TENM2: variants seen among roughly 807,000 people sequenced by gnomAD.
TENM2 encodes teneurin-2.
Under a neutral mutation model 245.2 loss-of-function variants are expected in TENM2, and 52 were observed. That is an observed-to-expected ratio of 0.21 (90% CI 0.17 to 0.27). TENM2 has a LOEUF of 0.27. TENM2 is among the 10% of genes least tolerant of loss of function. TENM2 has a pLI of 1.00. For missense variants in TENM2, 3,046 were observed against 3,666.8 expected (o/e 0.83, Z 4.37); for synonymous variants, 1,363 against 1,438.9 (o/e 0.95, Z 1.19).
At chr5:168,182,304 C>A (rs1265241495) in intron 13 of TENM2, among the ~76,000 whole-genome samples, 1 of 152,210 alleles carries the variant, frequency 6.6e-6, no homozygotes, top group Non-Finnish European at 1.5e-5. Flanking sequence ...GCAAATGGAA[C>A]AGTACCTTTC....
chr5:167,642,876 A>G (rs767769150), intron 2 of TENM2, among the ~76,000 whole-genome samples: 1 of 152,172 alleles, frequency 6.6e-6, no homozygotes, highest in African/African-American at 2.4e-5. Context: ...AGAAAGGGGA[A>G]CAGTGCAGGG....
At position 167,321,801 on chromosome 5, in the gene TENM2, T is replaced by TTTTTTGGTG. The variant is rs67957514; in HGVS notation, c.226+36738_226+36739insTTTTTGGTG. Among the ~76,000 whole-genome samples, 3 of 7,280 alleles carry TTTTTTGGTG rather than the reference T, an allele frequency of 4.1e-4. 1 individual carries two copies. The highest frequency in any genetic ancestry group is 6.0e-3 in the East Asian group (1 of 168). 4.8% of individuals were successfully genotyped at this position (7,280 alleles called of 152,430 possible). ...CCTTGGCTTATTTTTTTTTTTTTTTTGGGGGGGGGGGCGGGGGGGGGGGTG... is the reference window on the plus strand; with the variant it reads ...CCTTGGCTTATTTTTTTTTTTTTTTTTTTTTGGTGGGGGGGGGGGGCGGGGGGGGGGGTG... On this transcript the variant is annotated intron_variant, in intron 1 of 28. Transcript: ENST00000518659.
At chr5:167,450,975 A>G (rs1337073868) in intron 2 of TENM2, among the ~76,000 whole-genome samples, 1 of 152,086 alleles carries the variant, frequency 6.6e-6, no homozygotes, top group Non-Finnish European at 1.5e-5. Context: ...ACAGTCTCTT[A>G]TTTTTTTATC....
chr5:167,209,661 CT>C, the TENM2 span, among the ~76,000 whole-genome samples: 1 of 152,174 alleles, frequency 6.6e-6, no homozygotes, highest in Non-Finnish European at 1.5e-5. Context: ...TGTAAAATCA[CT>C]TTTTCTTTCC....
At chr5:167,588,632 G>T (rs934513982) in intron 2 of TENM2, among the ~76,000 whole-genome samples, 1 of 152,024 alleles carries the variant, frequency 6.6e-6, no homozygotes, top group African/African-American at 2.4e-5. Flanking sequence ...AACAACAAAA[G>T]AAATAAAATC....
chr5:168,210,194 A>G (rs1762680862), intron 19 of TENM2, among the ~76,000 whole-genome samples: 1 of 152,158 alleles, frequency 6.6e-6, no homozygotes, highest in African/African-American at 2.4e-5. Flanking sequence ...GTGATCCTGG[A>G]CTGGAATAGC....
At chr5:167,425,388 C>G (rs868114248) in intron 2 of TENM2, among the ~76,000 whole-genome samples, 1 of 152,168 alleles carries the variant, frequency 6.6e-6, no homozygotes, top group Non-Finnish European at 1.5e-5. Flanking sequence ...GGAGATAACA[C>G]CCAGCTCCTA....
chr5:167,261,861 GA>G, the TENM2 span, among the ~76,000 whole-genome samples: 3 of 152,184 alleles, frequency 2.0e-5, no homozygotes, highest in Admixed American at 6.5e-5. Flanking sequence ...TCCTTGAGCA[GA>G]AGCCATGTAC....
the TENM2 span, among the ~76,000 whole-genome samples, chr5:167,193,895 T>A: frequency 1.3e-5 from 2 of 152,072 alleles, no homozygotes; most frequent in East Asian, 3.9e-4. Flanking sequence ...GACACCATTC[T>A]TTGTCTCAGC....
chr5:167,877,293 A>C (rs184797786), intron 3 of TENM2, among the ~76,000 whole-genome samples: 1 of 152,218 alleles, frequency 6.6e-6, no homozygotes, highest in Non-Finnish European at 1.5e-5. Context: ...AAATACATTT[A>C]AGATGACTCA....
intron 2 of TENM2, among the ~76,000 whole-genome samples, chr5:167,696,976 C>T (rs779188433): frequency 2.0e-5 from 3 of 152,222 alleles, no homozygotes; most frequent in African/African-American, 7.2e-5. Flanking sequence ...TATCTGAGGC[C>T]GTCAACCAGG....
chr5:167,803,481 C>G (rs1194410058), intron 2 of TENM2, among the ~76,000 whole-genome samples: 2 of 151,994 alleles, frequency 1.3e-5, no homozygotes, highest in Non-Finnish European at 2.9e-5. Context: ...TTCTTTATTT[C>G]CGGGAGTGGG....
chr5:167,158,913 C>T, the TENM2 span, among the ~76,000 whole-genome samples: 2 of 105,324 alleles, frequency 1.9e-5, no homozygotes, highest in Admixed American at 9.8e-5. Context: ...CCTTCCTCTT[C>T]CTCTCTCTCT....
At chr5:166,991,196 C>A in the TENM2 span, among the ~76,000 whole-genome samples, 1 of 146,014 alleles carries the variant, frequency 6.8e-6, no homozygotes, top group Non-Finnish European at 1.5e-5. Flanking sequence ...CCAAATCTTC[C>A]TTTTCTGACT....
At chr5:168,090,286 GA>G (rs1474825439) in intron 7 of TENM2, among the ~76,000 whole-genome samples, 3 of 140,314 alleles carry the variant, frequency 2.1e-5, no homozygotes, top group Non-Finnish European at 4.7e-5. Flanking sequence ...CAAACAAAAA[GA>G]AAAAAACTTT....
intron 7 of TENM2, among the ~76,000 whole-genome samples, chr5:168,066,754 G>C (rs1247029751): frequency 6.6e-6 from 1 of 152,158 alleles, no homozygotes; most frequent in African/African-American, 2.4e-5. Context: ...TTATGGGGAT[G>C]GTATGTGTAC....
chr5:167,596,365 T>G (rs148793779), intron 2 of TENM2, among the ~76,000 whole-genome samples: 1 of 152,198 alleles, frequency 6.6e-6, no homozygotes, highest in Non-Finnish European at 1.5e-5. Flanking sequence ...TCCATCCTAC[T>G]GGACTGTCCC....
chr5:168,104,744 C>T (rs1179078418), intron 9 of TENM2, among the ~76,000 whole-genome samples: 1 of 152,114 alleles, frequency 6.6e-6, no homozygotes, highest in Non-Finnish European at 1.5e-5. Context: ...AGCGTTTATT[C>T]CGCAGCCCTC....
intron 2 of TENM2, among the ~76,000 whole-genome samples, chr5:167,453,599 T>C (rs1765736286): frequency 6.6e-6 from 1 of 152,200 alleles, no homozygotes; most frequent in Non-Finnish European, 1.5e-5. Context: ...GCCATTAAAT[T>C]AGAGACTTTC....
Sources: gnomAD v4.1 joint callset for allele counts (sites outside exome capture counted in the v4.1 genomes callset) on GRCh38, gnomAD v4.1.1 for gene constraint, MANE v1.5 for transcripts, NCBI Gene and HGNC (gene_info 2026-07-23, HGNC 2026-07-21) for gene names.